Variants in WASHC2C observed in about 807,000 individuals in gnomAD.
WASHC2C encodes the protein WASH complex subunit 2C, also known as Vaccinia Penetration Factor.
A neutral mutation model predicts 142.2 loss-of-function variants in WASHC2C; 73 were observed. The ratio of observed to expected loss-of-function variants is 0.51; its 90% CI spans 0.43 to 0.62. WASHC2C has a LOEUF of 0.62. Among genes scored for constraint, WASHC2C ranks in the 20% least tolerant of loss-of-function variants. WASHC2C has a pLI of 0.00. For missense variants in WASHC2C, 969 were observed against 1,531.7 expected, an observed-to-expected ratio of 0.63 and a Z score of 6.13; for synonymous variants, 337 against 565.5, an observed-to-expected ratio of 0.60 and a Z score of 5.73.
chr10:45,781,109 A>G (rs2057469550), intron 23 of WASHC2C, among the ~76,000 whole-genome samples: 1 of 151,796 alleles, frequency 6.6e-6, no homozygotes, highest in African/African-American at 2.4e-5. Flanking sequence ...TTAAGAAATC[A>G]GTTTCTTTTA....
At chr10:45,777,102 G>A (rs1213526489) in intron 21 of WASHC2C, among the ~76,000 whole-genome samples, 171 bp from the exon 22 acceptor site, 1 of 151,462 alleles carries the variant, frequency 6.6e-6, no homozygotes, top group Non-Finnish European at 1.5e-5. Context: ...CCCGGGTGGT[G>A]GTGTTTGTTG....
chr10:45,778,783 T>C (rs1399251828), intron 22 of WASHC2C, among the ~76,000 whole-genome samples, 170 bp from the exon 23 acceptor site: 6 of 145,410 alleles, frequency 4.1e-5, no homozygotes, highest in African/African-American at 1.3e-4. Flanking sequence ...GAGCAGCCAA[T>C]CAAGAATTGA....
chr10:45,759,775 C>T lies in WASHC2C; in HGVS notation c.1635+374C>T, dbSNP rs533896876. Reference sequence around the variant, plus strand: ...CAGAAGTTGCAATGAACCGAGATCACACCATTGCACTCCAGTCTAGGCGAC... The same window carrying T: ...CAGAAGTTGCAATGAACCGAGATCATACCATTGCACTCCAGTCTAGGCGAC... On this transcript the variant is annotated intron_variant, in intron 17 of 30. Transcript: ENST00000623400. 3.3e-4 allele frequency among the ~76,000 whole-genome samples: 50 copies of T among 152,262 alleles called. 1 individual carries two copies. Among genetic ancestry groups the T allele is most frequent in the Admixed American group, 7.8e-4 (12 of 15,296 alleles).
intron 20 of WASHC2C, chr10:45,771,530 C>T: frequency 3.1e-6 from 3 of 982,798 alleles, no homozygotes; most frequent in Non-Finnish European, 3.6e-6. Flanking sequence ...GTGTCCACTA[C>T]CCCCACCCCA....
rs71520974 is a variant in WASHC2C, at chr10:45,736,405, CAAAAAAAAAAAAAA to C, written c.292-1559_292-1546del. On this transcript the variant is annotated intron_variant, in intron 3 of 30. Transcript: ENST00000623400. Reference sequence around the variant, plus strand: ...TTGGCAACAGAGTGAGACTCCATCTCAAAAAAAAAAAAAAAAAAAAAAAAAAAAAAAAGGGCAAA... The same window carrying C: ...TTGGCAACAGAGTGAGACTCCATCTCAAAAAAAAAAAAAAAAAAGGGCAAA... Among the ~76,000 whole-genome samples the C allele has an allele frequency of 1.2e-3, 30 of 24,562 alleles. 1 individual carries two copies. The highest frequency in any genetic ancestry group is 1.8e-3 in the East Asian group (1 of 550). 16.1% of individuals were successfully genotyped at this position (24,562 alleles called of 152,430 possible).
chr10:45,785,053 T>C (rs1564823254), intron 25 of WASHC2C, among the ~76,000 whole-genome samples, 152 bp downstream of exon 25: 1 of 152,210 alleles, frequency 6.6e-6, no homozygotes, highest in Non-Finnish European at 1.5e-5. Context: ...GGAGCGTGTG[T>C]GGAGGATGCA....
chr10:45,766,984 C>T (rs545076419), intron 19 of WASHC2C, among the ~76,000 whole-genome samples: 82 of 152,112 alleles, frequency 5.4e-4, no homozygotes, highest in Middle Eastern at 3.4e-3. Context: ...AAAGCTTATG[C>T]GGCCGGGCGT....
At chr10:45,766,623 ATAGT>A (rs782585643) in intron 19 of WASHC2C, among the ~76,000 whole-genome samples, 260 of 143,388 alleles carry the variant, frequency 1.8e-3, no homozygotes, top group Non-Finnish European at 3.5e-3. Flanking sequence ...ATTTAGAACT[ATAGT>A]TAGGAGGAGT....
intron 3 of WASHC2C, among the ~76,000 whole-genome samples, chr10:45,736,800 T>A (rs1224216711): frequency 1.2e-4 from 19 of 152,166 alleles, no homozygotes; most frequent in South Asian, 1.0e-3. Flanking sequence ...TGACTTAAAA[T>A]TTTAAAAATT....
At position 45,792,410 on chromosome 10, in the gene WASHC2C, G is replaced by A. The variant is rs1333144371; in HGVS notation, c.*10G>A. 3.2e-6 allele frequency: 5 copies of A among 1,563,254 alleles called. 1 individual carries two copies. Among genetic ancestry groups the A allele is most frequent in the Non-Finnish European group, 4.4e-6 (5 of 1,145,900 alleles). On this transcript the variant is annotated 3_prime_UTR_variant, in exon 31 of 31. Transcript: ENST00000623400. ...CTTTGGAGGCCAGTAGAGCACACAGGGTATCCACATGTTACCCTGCAGCTA... is the reference window on the plus strand; with the variant it reads ...CTTTGGAGGCCAGTAGAGCACACAGAGTATCCACATGTTACCCTGCAGCTA...
chr10:45,765,708 G>T lies in WASHC2C; in HGVS notation c.1767G>T (p.Lys589Asn). ...EDNLFGGTAAKKQTLSLQAQR... is the reference protein window; with the variant it reads ...EDNLFGGTAANKQTLSLQAQR... ...ATCTTTTTGGGGGTACAGCTGCTAA[G>T]AAGCAGACATTGTCTCTACAAGCTC... Residue 589 changes from lysine (K) to asparagine (N), a missense_variant, in exon 19 of 31, where the codon AAG becomes AAT. By Grantham distance (94) the Lys-to-Asn change is moderately conservative. Coordinates refer to ENST00000623400, the MANE Select transcript of WASHC2C (RefSeq NM_001330074.2). 6.2e-7 allele frequency: 1 copy of T among 1,611,982 alleles called. No individual in the cohort carries two copies.
chr10:45,743,043 T>G (rs1554869078), intron 5 of WASHC2C, among the ~76,000 whole-genome samples: 1 of 151,536 alleles, frequency 6.6e-6, no homozygotes, highest in Non-Finnish European at 1.5e-5. Flanking sequence ...TCCCGCTAAT[T>G]TTTTTGGATT....
At position 45,789,245 on chromosome 10, in the gene WASHC2C, A is replaced by C; in HGVS notation, c.3462A>C (p.Ile1154=). 6.2e-7 allele frequency: 1 copy of C among 1,612,084 alleles called. No individual in the cohort carries two copies. The highest frequency in any genetic ancestry group is 8.5e-7 in the Non-Finnish European group (1 of 1,179,872). ...SVERTKPKAK[I]AENPANPPVG... is the part of the protein sequence containing the mutation. Reference sequence around the variant, plus strand: ...AGAGAACAAAACCCAAGGCAAAGATAGCAGAGAATCCTGCCAACCCACCAG... The same window carrying C: ...AGAGAACAAAACCCAAGGCAAAGATCGCAGAGAATCCTGCCAACCCACCAG... Residue 1154 remains isoleucine (I), a synonymous_variant, in exon 29 of 31, where the codon ATA becomes ATC. Coordinates refer to ENST00000623400, the MANE Select transcript of WASHC2C (RefSeq NM_001330074.2).
chr10:45,750,490 G>T (rs1313273997), intron 9 of WASHC2C, among the ~76,000 whole-genome samples: 11 of 151,640 alleles, frequency 7.3e-5, no homozygotes, highest in East Asian at 3.9e-4. Context: ...TCTTATTTTC[G>T]TATTTAGATT....
At chr10:45,788,746 G>C (rs1174254191) in intron 28 of WASHC2C, 125 bp from the exon 29 acceptor site, 5 of 1,481,894 alleles carry the variant, frequency 3.4e-6, no homozygotes, top group Non-Finnish European at 4.6e-6. Context: ...TATGTTCTTA[G>C]ATAATATCTT....
At chr10:45,783,339 T>C (rs115806843) in intron 23 of WASHC2C, among the ~76,000 whole-genome samples, 7,455 of 152,248 alleles carry the variant, frequency 0.049, 160 homozygotes, top group African/African-American at 0.087. Context: ...TTTCCACAGT[T>C]GTGAAATATT....
chr10:45,730,767 G>C lies in WASHC2C; in HGVS notation c.291+1741G>C, dbSNP rs782037881. On this transcript the variant is annotated intron_variant, in intron 3 of 30. Transcript: ENST00000623400. ...TCCAAGTAGCTGGGACTACAGGCGC[G>C]TGCCACCACGCCTGGCTAATTTTTT... Among the ~76,000 whole-genome samples the C allele has an allele frequency of 4.1e-3, 620 of 151,872 alleles. 5 individuals are homozygous for C. The highest frequency in any genetic ancestry group is 0.031 in the Middle Eastern group (9 of 294).
intron 29 of WASHC2C, 127 bp from the exon 30 acceptor site, chr10:45,790,229 G>A: frequency 6.7e-7 from 1 of 1,481,860 alleles, no homozygotes; most frequent in Non-Finnish European, 9.2e-7. Context: ...ATCCCAGGCA[G>A]AGTGGGCAGT....
At position 45,752,660 on chromosome 10, in the gene WASHC2C, GC is replaced by G. The variant is rs1330598609; in HGVS notation, c.1078del (p.Leu360CysfsTer54). 3 of 1,609,696 alleles carry G rather than the reference GC, an allele frequency of 1.9e-6. No homozygotes were observed. The highest frequency in any genetic ancestry group is 2.5e-6 in the Non-Finnish European group (3 of 1,178,860). On this transcript the variant is annotated frameshift_variant, in exon 12 of 31. Transcript: ENST00000623400. LOFTEE classifies it high-confidence loss of function. ...EDFSPFGSGGGLFSGGKGLFD... is the reference protein window; with the variant it reads ...EDFSPFGSGGXLFSGGKGLFD... ...TTCTCGCCATTTGGCTCTGGAGGTG[GC>G]CTGTTCAGTGGCGGCAAGGGGCTAT...
Sources: gnomAD v4.1 joint callset for allele counts (sites outside exome capture counted in the v4.1 genomes callset) on GRCh38, gnomAD v4.1.1 for gene constraint, MANE v1.5 for transcripts, NCBI Gene and HGNC (gene_info 2026-07-23, HGNC 2026-07-21) for gene names.